Variants in CCDC92B observed in about 807,000 individuals in gnomAD.
CCDC92B encodes the protein coiled-coil domain-containing 92B.
Under a neutral mutation model 5.6 loss-of-function variants are expected in CCDC92B, and 2 were observed. That is an observed-to-expected ratio of 0.36 (90% CI 0.15 to 1.12). CCDC92B has a LOEUF of 1.12. Ranked by LOEUF, CCDC92B falls within the 50% of genes most tolerant of loss-of-function variation. The pLI is 0.40. For synonymous variants in CCDC92B, 115 were observed against 122.3 expected (o/e 0.94, Z 0.39); for missense variants, 271 against 262.2 (o/e 1.03, Z -0.23).
At chr17:2,728,376 G>A (rs950431249) in intron 3 of CCDC92B, among the ~76,000 whole-genome samples, 27 of 151,972 alleles carry the variant, frequency 1.8e-4, no homozygotes, top group African/African-American at 6.3e-4. Context: ...GGGAGGCCGA[G>A]GTGGGTGGAT....
intron 3 of CCDC92B, among the ~76,000 whole-genome samples, chr17:2,727,633 G>C (rs532411687): frequency 1.3e-5 from 2 of 152,178 alleles, no homozygotes; most frequent in Non-Finnish European, 2.9e-5. Flanking sequence ...AGACCAGCCT[G>C]GCCAGCATGG....
At chr17:2,745,935 T>A (rs2070980481) in intron 1 of CCDC92B, among the ~76,000 whole-genome samples, 1 of 152,130 alleles carries the variant, frequency 6.6e-6, no homozygotes, top group African/African-American at 2.4e-5. Flanking sequence ...GTTCTCTGAG[T>A]TCTTTTTCCT....
intron 1 of CCDC92B, among the ~76,000 whole-genome samples, chr17:2,739,638 C>T (rs555007778): frequency 1.6e-4 from 25 of 151,596 alleles, no homozygotes; most frequent in South Asian, 4.2e-4. Flanking sequence ...GCCAAGATTG[C>T]GCCACTGCAC....
chr17:2,729,430 G>A (rs1031166887), intron 3 of CCDC92B, among the ~76,000 whole-genome samples: 9 of 147,552 alleles, frequency 6.1e-5, no homozygotes, highest in African/African-American at 1.0e-4. Flanking sequence ...GGAGGTGGAG[G>A]TTGCAGTGAG....
chr17:2,724,642 G>GGCA lies in CCDC92B; in HGVS notation c.534_536dup (p.Ala179dup). 1.0e-6 allele frequency: 1 copy of GGCA among 981,696 alleles called. No homozygotes were observed. The highest frequency in any genetic ancestry group is 1.2e-6 in the Non-Finnish European group (1 of 828,230). 60.8% of individuals were successfully genotyped at this position (981,696 alleles called of 1,614,324 possible). ...CGGGGCCCTTGGCGGCGGCCTCGTG[G>GGCA]GCAGCAGGCGGGCGGCGGGCTCGCA... On this transcript the variant is annotated inframe_insertion, in exon 4 of 4. Coordinates refer to ENST00000614400, the MANE Select transcript of CCDC92B (RefSeq NM_001355573.2). This position sits in a 1 kb window ranked among gnomAD's most constrained non-coding sequence, Gnocchi z 5.0.
intron 1 of CCDC92B, among the ~76,000 whole-genome samples, chr17:2,740,535 C>T (rs1213484192): frequency 6.6e-6 from 1 of 151,546 alleles, no homozygotes; most frequent in Non-Finnish European, 1.5e-5. Flanking sequence ...TGGTGACAGG[C>T]GCCTGTAATC....
intron 1 of CCDC92B, among the ~76,000 whole-genome samples, chr17:2,742,439 A>T (rs1484264718): frequency 6.6e-6 from 1 of 152,070 alleles, no homozygotes; most frequent in Non-Finnish European, 1.5e-5. Context: ...GAAGGCGGAG[A>T]GTGGTCCTAG....
chr17:2,745,066 C>CAAAAAAA, intron 1 of CCDC92B, among the ~76,000 whole-genome samples: 1 of 79,334 alleles, frequency 1.3e-5, no homozygotes, highest in Non-Finnish European at 2.3e-5. Flanking sequence ...GACCCTGTCT[C>CAAAAAAA]AAAAAAAAAA....
intron 1 of CCDC92B, among the ~76,000 whole-genome samples, chr17:2,747,678 G>C (rs1219099929): frequency 6.6e-6 from 1 of 152,158 alleles, no homozygotes; most frequent in African/African-American, 2.4e-5. Flanking sequence ...AGTGAGTTGA[G>C]ATCGCACCAC....
chr17:2,729,430 G>T (rs1031166887), intron 3 of CCDC92B, among the ~76,000 whole-genome samples: 1 of 147,552 alleles, frequency 6.8e-6, no homozygotes. Flanking sequence ...GGAGGTGGAG[G>T]TTGCAGTGAG....
At chr17:2,726,883 G>A (rs1273504350) in intron 3 of CCDC92B, among the ~76,000 whole-genome samples, 2 of 150,552 alleles carry the variant, frequency 1.3e-5, no homozygotes, top group Admixed American at 6.6e-5. Context: ...AGAGTGCTGG[G>A]ATTACAGGCG....
intron 1 of CCDC92B, among the ~76,000 whole-genome samples, chr17:2,739,096 A>G (rs537847339): frequency 5.5e-4 from 84 of 151,426 alleles, no homozygotes; most frequent in East Asian, 2.5e-3. Flanking sequence ...GGGCGGGCGC[A>G]ATGGCTCACG....
At chr17:2,748,341 C>A in intron 1 of CCDC92B, 1 of 979,416 alleles carries the variant, frequency 1.0e-6, no homozygotes, top group Non-Finnish European at 1.2e-6. Flanking sequence ...CAAGATGGAA[C>A]GACTCTCTCC....
intron 2 of CCDC92B, 86 bp from the exon 3 acceptor site, chr17:2,730,579 G>C (rs2070783473): frequency 3.0e-6 from 2 of 655,926 alleles, no homozygotes; most frequent in Admixed American, 1.3e-4. Context: ...GAGAGAGAGA[G>C]AGAGAGATCA....
chr17:2,730,994 T>G (rs2070788871), intron 2 of CCDC92B, among the ~76,000 whole-genome samples: 1 of 152,218 alleles, frequency 6.6e-6, no homozygotes, highest in Non-Finnish European at 1.5e-5. Context: ...GTCTGGACAC[T>G]TGCTTTTCAC....
rs1188234370 is a variant in CCDC92B, at chr17:2,721,814, C to T, written c.*2597G>A. On this transcript the variant is annotated 3_prime_UTR_variant, in exon 4 of 4. Transcript: ENST00000614400. The stretch of plus-strand genomic sequence containing the variant: ...TTTCATCTAGGGGATCTCCAAGCAC[C>T]TCACAAACAATTGTCATTATCTGTG... 6.6e-6 allele frequency: 1 copy of T among 152,250 alleles called. No homozygotes were observed. The highest frequency in any genetic ancestry group is 1.5e-5 in the Non-Finnish European group (1 of 68,108). The allele number at this position is 152,250 out of a possible 1,614,324, so 9.4% of individuals were successfully genotyped here. A position where few individuals can be genotyped will look rare whatever the true frequency, so the allele number is the denominator to read the frequency against.
At chr17:2,725,622 TTG>T (rs1389617935) in intron 3 of CCDC92B, among the ~76,000 whole-genome samples, 1 of 151,746 alleles carries the variant, frequency 6.6e-6, no homozygotes, top group Non-Finnish European at 1.5e-5. Flanking sequence ...ACTTTGTGCA[TTG>T]TGTTAGGTAT....
intron 3 of CCDC92B, among the ~76,000 whole-genome samples, chr17:2,727,879 A>G (rs2070751404): frequency 6.6e-6 from 1 of 151,700 alleles, no homozygotes; most frequent in African/African-American, 2.4e-5. Flanking sequence ...GTGGGTTGAC[A>G]CACTCATCCC....
At chr17:2,727,651 C>G (rs2070745892) in intron 3 of CCDC92B, among the ~76,000 whole-genome samples, 1 of 152,062 alleles carries the variant, frequency 6.6e-6, no homozygotes, top group Admixed American at 6.5e-5. Context: ...TGGCGAAACC[C>G]CGTCTCTACT....
Sources: gnomAD v4.1 joint callset for allele counts (sites outside exome capture counted in the v4.1 genomes callset) on GRCh38, gnomAD v4.1.1 for gene constraint, Gnocchi (gnomAD v3.1) non-coding constraint, MANE v1.5 for transcripts, NCBI Gene and HGNC (gene_info 2026-07-23, HGNC 2026-07-21) for gene names.